CNTNAP5: variants seen among roughly 807,000 people sequenced by gnomAD.
The protein encoded by CNTNAP5 is contactin associated protein family member 5.
A neutral mutation model predicts 150.2 loss-of-function variants in CNTNAP5; 72 were observed. The observed-to-expected ratio is 0.48, with a 90% confidence interval of 0.40 to 0.58. CNTNAP5 has a LOEUF of 0.58. Among genes scored for constraint, CNTNAP5 ranks in the 20% least tolerant of loss-of-function variants. The pLI, the probability that CNTNAP5 is intolerant of heterozygous loss-of-function variation, is 0.00. For missense variants in CNTNAP5, 1,636 were observed against 1,626.2 expected, an observed-to-expected ratio of 1.01 and a Z score of -0.10; for synonymous variants, 672 against 619.8, an observed-to-expected ratio of 1.08 and a Z score of -1.25.
chr2:124,131,326 T>C (rs966286297), intron 1 of CNTNAP5, among the ~76,000 whole-genome samples: 4 of 152,216 alleles, frequency 2.6e-5, no homozygotes, highest in Non-Finnish European at 5.9e-5. Context: ...CACCTTGTTG[T>C]TTATCTTGTG....
At chr2:124,518,066 C>T (rs1694769337) in intron 8 of CNTNAP5, among the ~76,000 whole-genome samples, 1 of 151,916 alleles carries the variant, frequency 6.6e-6, no homozygotes, top group Admixed American at 6.6e-5. Flanking sequence ...CCACAAGACA[C>T]CTACTCCTAA....
At chr2:124,416,848 T>C (rs369147241) in intron 3 of CNTNAP5, among the ~76,000 whole-genome samples, 1 of 152,110 alleles carries the variant, frequency 6.6e-6, no homozygotes, top group Non-Finnish European at 1.5e-5. Context: ...GGGAATTTCA[T>C]TGTATTGTTA....
intron 17 of CNTNAP5, 100 bp downstream of exon 17, chr2:124,773,117 G>C (rs776119810): frequency 1.8e-5 from 15 of 849,156 alleles, no homozygotes; most frequent in Non-Finnish European, 2.5e-5. Context: ...TCTGGGATAT[G>C]ATCAAAATGT....
chr2:124,879,934 T>G (rs1044834004), intron 21 of CNTNAP5, among the ~76,000 whole-genome samples: 3 of 152,048 alleles, frequency 2.0e-5, no homozygotes, highest in Admixed American at 6.6e-5. Flanking sequence ...CCTCTGAAGC[T>G]TGGTGAGAAT....
chr2:124,701,655 C>G (rs1049557139), intron 13 of CNTNAP5, among the ~76,000 whole-genome samples: 2 of 152,072 alleles, frequency 1.3e-5, no homozygotes, highest in Non-Finnish European at 2.9e-5. Flanking sequence ...GAGTTCCCTT[C>G]TATCCACACC....
chr2:124,149,158 C>G (rs1467437186), intron 1 of CNTNAP5, among the ~76,000 whole-genome samples: 3 of 152,038 alleles, frequency 2.0e-5, no homozygotes, highest in African/African-American at 7.2e-5. Context: ...TTCTTCACTT[C>G]CAACCATCCA....
At position 124,770,030 on chromosome 2, in the gene CNTNAP5, G is replaced by A. The variant is rs17393655; in HGVS notation, c.2534-2769G>A. Among the ~76,000 whole-genome samples the A allele has an allele frequency of 3.0e-3, 458 of 152,286 alleles. 3 individuals carry two copies. Among genetic ancestry groups the A allele is most frequent in the Non-Finnish European group, 4.4e-3 (302 of 68,026 alleles). On this transcript the variant is annotated intron_variant, in intron 16 of 23. Coordinates refer to ENST00000682447, the MANE Select transcript of CNTNAP5 (RefSeq NM_001367498.1). ...TTGAATTTTACTGATTCTAGGAGGT[G>A]CAGCTTAAACATAGTATGTCTTTAA...
intron 3 of CNTNAP5, among the ~76,000 whole-genome samples, chr2:124,308,687 A>G (rs754133180): frequency 1.3e-5 from 2 of 152,242 alleles, no homozygotes; most frequent in Non-Finnish European, 2.9e-5. Context: ...TAAATGAAGT[A>G]TCAGGTGTTT....
intron 11 of CNTNAP5, among the ~76,000 whole-genome samples, chr2:124,599,309 TTTGAG>T (rs1696924069): frequency 6.6e-6 from 1 of 152,198 alleles, no homozygotes; most frequent in African/African-American, 2.4e-5. Context: ...TTTCTACTGA[TTTGAG>T]TTGCCTTTAT....
At position 124,743,026 on chromosome 2, in the gene CNTNAP5, G is replaced by A. The variant is rs371286482; in HGVS notation, c.2078-4203G>A. On this transcript the variant is annotated intron_variant, in intron 13 of 23. Transcript: ENST00000682447. ...AGTGCATAACGCAGACCTCTACCGC[G>A]GAGAGATATATATGTCACATGCAGG... is the stretch of plus-strand genomic sequence containing the variant. 4.6e-5 allele frequency among the ~76,000 whole-genome samples: 7 copies of A among 152,232 alleles called. No homozygotes were observed. In the East Asian group the frequency reaches 7.7e-4, roughly 17 times the overall value.
At chr2:124,583,296 C>T (rs1016129952) in intron 11 of CNTNAP5, among the ~76,000 whole-genome samples, 2 of 152,226 alleles carry the variant, frequency 1.3e-5, no homozygotes, top group African/African-American at 4.8e-5. Context: ...AGGGAAGCAA[C>T]TCCTCAAATG....
intron 10 of CNTNAP5, among the ~76,000 whole-genome samples, chr2:124,559,802 T>A (rs1695845355): frequency 6.6e-6 from 1 of 152,188 alleles, no homozygotes; most frequent in African/African-American, 2.4e-5. Flanking sequence ...AAAATTGGTG[T>A]CATGTGTCTT....
intron 13 of CNTNAP5, among the ~76,000 whole-genome samples, chr2:124,716,156 C>A (rs904183716): frequency 5.9e-5 from 9 of 151,944 alleles, no homozygotes; most frequent in Admixed American, 1.3e-4. Context: ...TTGCCAAGCC[C>A]CCTACAAGGC....
intron 19 of CNTNAP5, among the ~76,000 whole-genome samples, chr2:124,830,607 T>A (rs1682694035): frequency 6.6e-6 from 1 of 152,010 alleles, no homozygotes; most frequent in Non-Finnish European, 1.5e-5. Flanking sequence ...AGGGAATACA[T>A]GGCTTTTAGT....
In CNTNAP5 at chr2:124,417,480, A is replaced by G. The variant is rs568679567; in HGVS notation, c.419A>G (p.His140Arg). ...AACATGAATGCTGACAGCGTGGTGC[A>G]CCACAAGCTATTGCACTCAGTGAGA... ...AGNMNADSVVHHKLLHSVRAR... is the reference protein window; with the variant it reads ...AGNMNADSVVRHKLLHSVRAR... The change falls in exon 4 of 24, where the codon CAC (histidine) becomes CGC (arginine). Residue 140 changes from histidine (H) to arginine (R), a missense_variant. His to Arg is a conservative substitution (Grantham distance 29). Coordinates refer to ENST00000682447, the MANE Select transcript of CNTNAP5 (RefSeq NM_001367498.1). 1.2e-6 allele frequency: 2 copies of G among 1,613,898 alleles called. No individual in the cohort carries two copies. Among genetic ancestry groups the G allele is most frequent in the Admixed American group, 1.7e-5 (1 of 60,012 alleles).
chr2:124,088,759 G>T (rs1015554055), intron 1 of CNTNAP5, among the ~76,000 whole-genome samples: 7 of 152,102 alleles, frequency 4.6e-5, no homozygotes, highest in Non-Finnish European at 8.8e-5. Context: ...GGAACTGTCT[G>T]TAGGGAGCAT....
At chr2:124,691,869 C>T (rs1165012955) in intron 13 of CNTNAP5, among the ~76,000 whole-genome samples, 1 of 152,104 alleles carries the variant, frequency 6.6e-6, no homozygotes, top group Non-Finnish European at 1.5e-5. Context: ...GCACTCTGCT[C>T]TTCTTATTAA....
At position 124,434,698 on chromosome 2, in the gene CNTNAP5, A is replaced by G. The variant is rs1247991435; in HGVS notation, c.733+11A>G. The G allele has an allele frequency of 6.3e-7, 1 of 1,598,028 alleles. No individual in the cohort carries two copies. Among genetic ancestry groups the G allele is most frequent in the Non-Finnish European group, 8.5e-7 (1 of 1,171,914 alleles). Reference sequence around the variant, plus strand: ...TACACCTCAATTTGGGTAGGCTCAGACTTCCTCTTCCAATGCCAAGGGATG... The same window carrying G: ...TACACCTCAATTTGGGTAGGCTCAGGCTTCCTCTTCCAATGCCAAGGGATG... On this transcript the variant is annotated intron_variant, in intron 5 of 23. Transcript: ENST00000682447.
chr2:124,864,377 T>C (rs1428270834), intron 19 of CNTNAP5, among the ~76,000 whole-genome samples: 2 of 152,204 alleles, frequency 1.3e-5, no homozygotes, highest in African/African-American at 4.8e-5. Context: ...ATTCTCCTTC[T>C]AGCTACCTGA....
Sources: gnomAD v4.1 joint callset for allele counts (sites outside exome capture counted in the v4.1 genomes callset) on GRCh38, gnomAD v4.1.1 for gene constraint, MANE v1.5 for transcripts, NCBI Gene and HGNC (gene_info 2026-07-23, HGNC 2026-07-21) for gene names.